PARD3B: variants seen among roughly 807,000 people sequenced by gnomAD.
PARD3B encodes par-3 family cell polarity regulator beta.
In PARD3B, 103 loss-of-function variants were observed where a neutral mutation model predicts 130.2. The ratio of observed to expected loss-of-function variants is 0.79; its 90% CI spans 0.67 to 0.93. The LOEUF is 0.93. Among genes scored for constraint, PARD3B ranks in the 40% least tolerant of loss-of-function variants. PARD3B has a pLI of 0.00. For missense variants in PARD3B, 1,609 were observed against 1,499.2 expected (o/e 1.07, Z -1.21); for synonymous variants, 583 against 553.2 (o/e 1.05, Z -0.76).
At chr2:205,437,128 G>A (rs182063609) in intron 19 of PARD3B, among the ~76,000 whole-genome samples, 8 of 152,138 alleles carry the variant, frequency 5.3e-5, no homozygotes, top group Non-Finnish European at 4.4e-5. Flanking sequence ...GCCATATATC[G>A]ACTGGTGGTG....
chr2:204,966,910 TTTA>T (rs1691306797), intron 3 of PARD3B, among the ~76,000 whole-genome samples: 1 of 152,178 alleles, frequency 6.6e-6, no homozygotes, highest in South Asian at 2.1e-4. Context: ...TTAGTCGGCT[TTTA>T]TTATTTTTAT....
rs191463288 is a variant in PARD3B, at chr2:205,351,426, A to G, written c.2631-49587A>G. ...GGATGGTGAGTTTTCAGAAAACTGA[A>G]AGGTTGCCCTCAAGCTAGGTGCTGG... On this transcript the variant is annotated intron_variant, in intron 18 of 22. Coordinates refer to ENST00000406610, the MANE Select transcript of PARD3B (RefSeq NM_001302769.2). This position sits in a 1 kb window ranked among gnomAD's most constrained non-coding sequence, Gnocchi z 4.2. Among the ~76,000 whole-genome samples the G allele has an allele frequency of 9.2e-4, 140 of 152,220 alleles. 1 individual carries two copies. Among genetic ancestry groups the G allele is most frequent in the African/African-American group, 3.2e-3 (132 of 41,530 alleles).
chr2:205,608,694 C>T (rs2055111630), intron 22 of PARD3B, among the ~76,000 whole-genome samples: 1 of 152,082 alleles, frequency 6.6e-6, no homozygotes, highest in East Asian at 1.9e-4. Flanking sequence ...TCTTAAGGAC[C>T]ATTTTCCAGA....
At chr2:204,803,159 A>AT (rs1310418905) in intron 2 of PARD3B, among the ~76,000 whole-genome samples, 1,124 of 120,884 alleles carry the variant, frequency 9.3e-3, no homozygotes, top group Middle Eastern at 0.024. Context: ...AAAAAAAAAA[A>AT]AAAAATATAT....
intron 18 of PARD3B, among the ~76,000 whole-genome samples, chr2:205,382,570 C>A (rs1028015504): frequency 3.3e-5 from 5 of 152,028 alleles, no homozygotes; most frequent in African/African-American, 9.7e-5. Flanking sequence ...TCACCCACAA[C>A]TTTTACCATC....
At chr2:204,674,467 A>G (rs2036441548) in intron 1 of PARD3B, among the ~76,000 whole-genome samples, 1 of 144,052 alleles carries the variant, frequency 6.9e-6, no homozygotes. Context: ...GAGGCAAATA[A>G]TCCCTTACTA....
intron 2 of PARD3B, among the ~76,000 whole-genome samples, chr2:204,809,902 C>G (rs918253485): frequency 6.6e-6 from 1 of 151,898 alleles, no homozygotes; most frequent in African/African-American, 2.4e-5. Flanking sequence ...TTTGTGTCAT[C>G]TCTGATTTCT....
intron 1 of PARD3B, among the ~76,000 whole-genome samples, chr2:204,642,341 T>TAA (rs2035106204): frequency 3.3e-5 from 5 of 152,222 alleles, no homozygotes; most frequent in Admixed American, 3.3e-4. Flanking sequence ...GGTAGGCTTT[T>TAA]ACCATGCTGT....
chr2:205,098,307 A>G (rs1702526155), intron 4 of PARD3B, among the ~76,000 whole-genome samples: 1 of 152,178 alleles, frequency 6.6e-6, no homozygotes, highest in Non-Finnish European at 1.5e-5. Flanking sequence ...AACATAATTC[A>G]GCTGCAGTTA....
At chr2:205,282,122 G>A (rs1025332353) in intron 16 of PARD3B, among the ~76,000 whole-genome samples, 20 of 151,932 alleles carry the variant, frequency 1.3e-4, no homozygotes, top group Admixed American at 1.1e-3. Flanking sequence ...CACCATAGGA[G>A]AAAAATCCAA....
chr2:205,477,546 A>G (rs998062950), intron 20 of PARD3B, among the ~76,000 whole-genome samples: 2 of 152,286 alleles, frequency 1.3e-5, no homozygotes, highest in Admixed American at 6.5e-5. Context: ...GCTGAAAAGC[A>G]TGCTGGAGGT....
At chr2:205,349,940 A>G (rs2043937011) in intron 18 of PARD3B, among the ~76,000 whole-genome samples, 1 of 152,014 alleles carries the variant, frequency 6.6e-6, no homozygotes, top group African/African-American at 2.4e-5. Context: ...TAAACACACA[A>G]TAAACAGGCA....
intron 2 of PARD3B, among the ~76,000 whole-genome samples, chr2:204,901,728 G>C (rs1451983517): frequency 2.0e-5 from 3 of 151,928 alleles, no homozygotes; most frequent in African/African-American, 7.3e-5. Context: ...GCATGTCTCT[G>C]AGTCTCACTC....
At chr2:205,205,720 T>A (rs922874544) in intron 15 of PARD3B, among the ~76,000 whole-genome samples, 1 of 152,234 alleles carries the variant, frequency 6.6e-6, no homozygotes, top group Non-Finnish European at 1.5e-5. Flanking sequence ...GTTTTTGTCA[T>A]TGGTTCCGTT....
At chr2:205,422,696 T>C (rs926943715) in intron 19 of PARD3B, among the ~76,000 whole-genome samples, 4 of 152,180 alleles carry the variant, frequency 2.6e-5, no homozygotes, top group Admixed American at 1.3e-4. Flanking sequence ...CCATAGGAGA[T>C]AAAACAAGTC....
At chr2:205,457,765 TTTG>T (rs2048324067) in intron 20 of PARD3B, among the ~76,000 whole-genome samples, 1 of 152,120 alleles carries the variant, frequency 6.6e-6, no homozygotes, top group Non-Finnish European at 1.5e-5. Context: ...TTTATCAAAG[TTTG>T]TTGTCAGACA....
chr2:205,217,209 G>A (rs918952147), intron 15 of PARD3B, among the ~76,000 whole-genome samples: 10 of 152,178 alleles, frequency 6.6e-5, no homozygotes, highest in African/African-American at 2.4e-4. Context: ...GGTGGCATTG[G>A]ATCAGTCAAG....
chr2:205,570,636 C>T (rs1323157764), intron 22 of PARD3B, among the ~76,000 whole-genome samples: 1 of 152,166 alleles, frequency 6.6e-6, no homozygotes, highest in African/African-American at 2.4e-5. Context: ...AGAAATCCCA[C>T]AAAGCAGGTT....
intron 2 of PARD3B, among the ~76,000 whole-genome samples, chr2:204,830,312 G>A (rs1004951843): frequency 6.6e-5 from 10 of 152,160 alleles, no homozygotes; most frequent in Admixed American, 3.9e-4. Context: ...AAGGCCTGCC[G>A]TTGGCCAAAA....
Sources: allele counts gnomAD v4.1 joint callset (sites outside exome capture counted in the v4.1 genomes callset), GRCh38; gene constraint gnomAD v4.1.1; non-coding constraint Gnocchi (gnomAD v3.1); transcripts MANE v1.5; gene names NCBI Gene and HGNC (gene_info 2026-07-23, HGNC 2026-07-21).